TENM2: variants seen among roughly 807,000 people sequenced by gnomAD.
The protein encoded by TENM2 is teneurin-2.
A neutral mutation model predicts 245.2 loss-of-function variants in TENM2; 52 were observed. That is an observed-to-expected ratio of 0.21 (90% confidence interval 0.17 to 0.27). The LOEUF (loss-of-function observed/expected upper bound fraction) is 0.27. TENM2 is among the 10% of genes least tolerant of loss of function. The pLI is 1.00. For missense variants in TENM2, 3,046 were observed against 3,666.8 expected, an observed-to-expected ratio of 0.83 and a Z score of 4.37; for synonymous variants, 1,363 against 1,438.9, an observed-to-expected ratio of 0.95 and a Z score of 1.19.
chr5:167,240,390 C>T, the TENM2 span, among the ~76,000 whole-genome samples: 3 of 152,138 alleles, frequency 2.0e-5, no homozygotes, highest in Admixed American at 6.5e-5. Context: ...GATATAACTC[C>T]TTCAGCAAGC....
intron 7 of TENM2, among the ~76,000 whole-genome samples, chr5:168,089,850 G>A (rs1312257829): frequency 6.6e-6 from 1 of 152,154 alleles, no homozygotes; most frequent in Non-Finnish European, 1.5e-5. Context: ...TTTGCTGGGT[G>A]CCAGGCACTG....
chr5:167,626,836 A>G (rs762462111), intron 2 of TENM2, among the ~76,000 whole-genome samples: 5 of 152,298 alleles, frequency 3.3e-5, no homozygotes, highest in Non-Finnish European at 7.4e-5. Flanking sequence ...ACTGACAAGG[A>G]CAGTCTGGTT....
chr5:167,843,570 G>C (rs892372757), intron 2 of TENM2, among the ~76,000 whole-genome samples: 2 of 152,132 alleles, frequency 1.3e-5, no homozygotes, highest in African/African-American at 4.8e-5. Flanking sequence ...GGTTGGTGGG[G>C]GAGGGGGTAC....
At chr5:167,061,091 A>AACACAC in the TENM2 span, among the ~76,000 whole-genome samples, 164 of 149,756 alleles carry the variant, frequency 1.1e-3, no homozygotes, top group South Asian at 9.6e-3. Flanking sequence ...CTCTCTCCAA[A>AACACAC]ACACACACAC....
intron 12 of TENM2, among the ~76,000 whole-genome samples, chr5:168,157,251 G>A (rs983601137): frequency 4.6e-5 from 7 of 152,160 alleles, no homozygotes; most frequent in African/African-American, 1.7e-4. Context: ...AGGCCGAGTG[G>A]CTTAAGTCTA....
the TENM2 span, among the ~76,000 whole-genome samples, chr5:167,098,084 A>G: frequency 2.1e-4 from 32 of 152,232 alleles, no homozygotes; most frequent in Admixed American, 4.6e-4. Context: ...AAGCTGAAAT[A>G]TGCTACCTTT....
At chr5:168,024,308 G>A (rs1403250782) in intron 5 of TENM2, among the ~76,000 whole-genome samples, 3 of 152,144 alleles carry the variant, frequency 2.0e-5, no homozygotes, top group African/African-American at 7.2e-5. Flanking sequence ...TGCGTGCAGG[G>A]ACATTGTGAG....
In TENM2 at chr5:167,285,100, G is replaced by C. The variant is rs148020267; in HGVS notation, c.226+37G>C. 9.9e-5 allele frequency: 146 copies of C among 1,473,242 alleles called. No homozygotes were observed. The African/African-American group carries it at 1.8e-3, about 18-fold the overall frequency. The allele number at this position is 1,473,242 out of a possible 1,614,324, so 91.3% of individuals were successfully genotyped here. A position where few individuals can be genotyped will look rare whatever the true frequency, so the allele number is the denominator to read the frequency against. ...TTCCCCTGCTGATTTGCTCTCAACTGTCTAACTTACTTGATTTACATGGTT... is the reference window on the plus strand; with the variant it reads ...TTCCCCTGCTGATTTGCTCTCAACTCTCTAACTTACTTGATTTACATGGTT... On this transcript the variant is annotated intron_variant, in intron 1 of 28. Transcript: ENST00000518659.
At chr5:167,404,697 T>C (rs1433022129) in intron 2 of TENM2, among the ~76,000 whole-genome samples, 3 of 151,872 alleles carry the variant, frequency 2.0e-5, no homozygotes, top group Admixed American at 2.0e-4. Context: ...TCCATGCGTG[T>C]TGGTCATCTC....
intron 2 of TENM2, among the ~76,000 whole-genome samples, chr5:167,430,383 C>T (rs1764145386): frequency 1.3e-5 from 2 of 152,020 alleles, no homozygotes; most frequent in South Asian, 4.1e-4. Context: ...AGGAGGTGTT[C>T]ATTTAGGTTT....
intron 2 of TENM2, among the ~76,000 whole-genome samples, chr5:167,560,664 T>C (rs1195302109): frequency 6.6e-6 from 1 of 152,312 alleles, no homozygotes; most frequent in Middle Eastern, 3.4e-3. Flanking sequence ...TAGGATCAAA[T>C]GGGAGCAAAC....
At chr5:168,067,129 T>C (rs909953391) in intron 7 of TENM2, among the ~76,000 whole-genome samples, 2 of 152,170 alleles carry the variant, frequency 1.3e-5, no homozygotes, top group African/African-American at 4.8e-5. Context: ...CAATCCTGTT[T>C]AGCAAATATT....
At chr5:167,386,066 T>C (rs112251047) in intron 2 of TENM2, among the ~76,000 whole-genome samples, 3,196 of 152,262 alleles carry the variant, frequency 0.021, 106 homozygotes, top group African/African-American at 0.072. Context: ...CTGGATCAAA[T>C]TGTAGTTCTA....
At chr5:167,389,195 T>C (rs1761615241) in intron 2 of TENM2, among the ~76,000 whole-genome samples, 1 of 151,170 alleles carries the variant, frequency 6.6e-6, no homozygotes, top group Non-Finnish European at 1.5e-5. Flanking sequence ...TTGTATTAAC[T>C]ATATAACATA....
chr5:168,203,706 T>C (rs1272875892), exon 18 of TENM2: 7 of 1,610,644 alleles, frequency 4.3e-6, no homozygotes, highest in South Asian at 1.1e-5. Flanking sequence ...CGGGTTTGAA[T>C]ATGAGACCTG....
intron 2 of TENM2, among the ~76,000 whole-genome samples, chr5:167,472,844 C>T (rs1767122939): frequency 6.6e-6 from 1 of 152,196 alleles, no homozygotes; most frequent in African/African-American, 2.4e-5. Flanking sequence ...TCCACATGGA[C>T]TCATACACTT....
At chr5:167,265,296 C>T in the TENM2 span, among the ~76,000 whole-genome samples, 1 of 141,250 alleles carries the variant, frequency 7.1e-6, no homozygotes, top group Non-Finnish European at 1.5e-5. Context: ...CATGCCACTG[C>T]TCTCCAGCCT....
chr5:167,138,978 CTGAT>C, the TENM2 span, among the ~76,000 whole-genome samples: 1 of 152,194 alleles, frequency 6.6e-6, no homozygotes, highest in African/African-American at 2.4e-5. Context: ...TTCTGTGTGA[CTGAT>C]TGTGTTTTGA....
chr5:167,698,918 G>C (rs1757966776), intron 2 of TENM2, among the ~76,000 whole-genome samples: 1 of 151,930 alleles, frequency 6.6e-6, no homozygotes, highest in Non-Finnish European at 1.5e-5. Context: ...TCCTGACCTT[G>C]TGATCTGCCT....
Sources: gnomAD v4.1 joint callset for allele counts (sites outside exome capture counted in the v4.1 genomes callset) on GRCh38, gnomAD v4.1.1 for gene constraint, MANE v1.5 for transcripts, NCBI Gene and HGNC (gene_info 2026-07-23, HGNC 2026-07-21) for gene names.